PPARD: variants seen among roughly 807,000 people sequenced by gnomAD.
PPARD encodes peroxisome proliferator activated receptor delta.
PPARD carries 6 observed loss-of-function variants against 39.5 expected under a neutral mutation model. The observed-to-expected ratio is 0.15, with a 90% CI of 0.08 to 0.30. The LOEUF is 0.30. PPARD is among the 10% of genes least tolerant of loss of function. The pLI, the probability that PPARD is intolerant of heterozygous loss-of-function variation, is 1.00. For synonymous variants in PPARD, 210 were observed against 231.3 expected, an observed-to-expected ratio of 0.91 and a Z score of 0.83; for missense variants, 397 against 596.8, an observed-to-expected ratio of 0.67 and a Z score of 3.49.
Position 35,426,119 on chromosome 6 carries a change from A to G in PPARD, c.*40A>G. The G allele has an allele frequency of 6.3e-7, 1 of 1,593,680 alleles. No homozygotes were observed. The highest frequency in any genetic ancestry group is 8.5e-7 in the Non-Finnish European group (1 of 1,173,540). On this transcript the variant is annotated 3_prime_UTR_variant, in exon 8 of 8. Coordinates refer to ENST00000360694, the MANE Select transcript of PPARD (RefSeq NM_006238.5). ...CCTCCCTGCAGACTCCAATGGGGCCAGCACTGGAGGGGCCCACCCACATGA... is the reference window on the plus strand; with the variant it reads ...CCTCCCTGCAGACTCCAATGGGGCCGGCACTGGAGGGGCCCACCCACATGA...
chr6:35,423,612 C>G (rs1323623332), intron 5 of PPARD, among the ~76,000 whole-genome samples: 1 of 152,110 alleles, frequency 6.6e-6, no homozygotes, highest in African/African-American at 2.4e-5. Context: ...TGAGCTGGAA[C>G]TCAAGCCCAG....
intron 2 of PPARD, among the ~76,000 whole-genome samples, chr6:35,354,084 T>C (rs1761417508): frequency 6.6e-6 from 1 of 151,512 alleles, no homozygotes; most frequent in African/African-American, 2.4e-5. Context: ...TACAAAAAAT[T>C]AGCTGGGCGT....
rs1764716610 is a variant in PPARD at position 35,401,926 on chromosome 6, T to C, written c.-101-9061T>C. Among the ~76,000 whole-genome samples, 1 of 152,072 alleles carries C rather than the reference T, an allele frequency of 6.6e-6. No homozygotes were observed. The highest frequency in any genetic ancestry group is 2.4e-5 in the African/African-American group (1 of 41,402). ...GCTCTGGCTCGGTCTCTGGTGAGTC[T>C]CTCTGCTGGCCGGCAGAACCACCCT... On this transcript the variant is annotated intron_variant, in intron 2 of 7. Coordinates refer to ENST00000360694, the MANE Select transcript of PPARD (RefSeq NM_006238.5). The surrounding 1 kb of genome is among the most constrained non-coding windows in gnomAD (Gnocchi z 4.1).
intron 2 of PPARD, among the ~76,000 whole-genome samples, chr6:35,352,679 T>C (rs1761336814): frequency 6.6e-6 from 1 of 152,168 alleles, no homozygotes; most frequent in African/African-American, 2.4e-5. Context: ...GCAGGTGTCA[T>C]CTGAAGGCTC....
At chr6:35,397,773 G>A (rs1019943696) in intron 2 of PPARD, among the ~76,000 whole-genome samples, 9 of 152,106 alleles carry the variant, frequency 5.9e-5, no homozygotes, top group Admixed American at 1.3e-4. Context: ...GCCATAAGAC[G>A]GATGGAGAAA....
intron 2 of PPARD, among the ~76,000 whole-genome samples, chr6:35,376,999 G>A (rs1002219157): frequency 7.3e-4 from 108 of 147,252 alleles, no homozygotes; most frequent in African/African-American, 1.8e-3. Flanking sequence ...CAGCCCGGGC[G>A]ACAGAGTGAG....
At chr6:35,423,437 G>C (rs1766334187) in intron 5 of PPARD, among the ~76,000 whole-genome samples, 1 of 151,742 alleles carries the variant, frequency 6.6e-6, no homozygotes, top group African/African-American at 2.4e-5. Flanking sequence ...GGGAGGCTGA[G>C]ACAGAGAATT....
intron 2 of PPARD, among the ~76,000 whole-genome samples, chr6:35,384,924 C>T (rs1390767326): frequency 3.0e-5 from 4 of 132,664 alleles, no homozygotes; most frequent in East Asian, 2.2e-4. Flanking sequence ...AGTGAGGAGC[C>T]CCTCTGCCAG....
intron 5 of PPARD, among the ~76,000 whole-genome samples, chr6:35,422,188 G>A (rs564460627): frequency 6.6e-6 from 1 of 152,266 alleles, no homozygotes; most frequent in South Asian, 2.1e-4. Context: ...CCCAGGCGTG[G>A]GGTAGTGTTT....
At chr6:35,346,154 C>T (rs1263124528) in intron 1 of PPARD, among the ~76,000 whole-genome samples, 12 of 152,150 alleles carry the variant, frequency 7.9e-5, no homozygotes, top group Admixed American at 7.9e-4. Flanking sequence ...GCTGGGATTA[C>T]AGGCGTGAGC....
intron 2 of PPARD, among the ~76,000 whole-genome samples, chr6:35,371,223 G>A (rs12173347): frequency 0.043 from 6,489 of 152,106 alleles, 372 homozygotes; most frequent in East Asian, 0.3. Context: ...ACTGGACCCT[G>A]CCCCCTAGGA....
In PPARD at chr6:35,343,751, G is replaced by C. The variant is rs114364481; in HGVS notation, c.-186+1070G>C. On this transcript the variant is annotated intron_variant, in intron 1 of 7. Coordinates refer to ENST00000360694, the MANE Select transcript of PPARD (RefSeq NM_006238.5). ...GGCGCTGAGCTGGATGTGTGCCACG[G>C]GTAGCCGGAGGCTTTGTCCAATTCT... 8.8e-3 allele frequency among the ~76,000 whole-genome samples: 1,336 copies of C among 152,274 alleles called. 26 individuals are homozygous for C. Among genetic ancestry groups the C allele is most frequent in the African/African-American group, 0.031 (1,276 of 41,528 alleles).
intron 2 of PPARD, among the ~76,000 whole-genome samples, chr6:35,394,345 C>G (rs1764188241): frequency 6.6e-6 from 1 of 152,244 alleles, no homozygotes; most frequent in Non-Finnish European, 1.5e-5. Context: ...TGACATGGAT[C>G]TTGAGGTAGT....
In PPARD at chr6:35,417,385, C is replaced by T. The variant is rs534113608; in HGVS notation, c.131-2742C>T. 2.0e-4 allele frequency among the ~76,000 whole-genome samples: 30 copies of T among 151,972 alleles called. No individual in the cohort carries two copies. In the South Asian group the frequency reaches 5.8e-3, roughly 29 times the overall value. On this transcript the variant is annotated intron_variant, in intron 3 of 7. Coordinates refer to ENST00000360694, the MANE Select transcript of PPARD (RefSeq NM_006238.5). ...GGCACAATCACAGCTCTCCTAGGCT[C>T]AAGGATTTTCCTGCCTCAGCCTCCT... is the stretch of plus-strand genomic sequence containing the variant.
chr6:35,344,492 C>T (rs894442472), intron 1 of PPARD, among the ~76,000 whole-genome samples: 2 of 151,974 alleles, frequency 1.3e-5, no homozygotes, highest in Non-Finnish European at 2.9e-5. Context: ...AGATTCTCGT[C>T]ATATCCTTCA....
chr6:35,354,304 CTTTTT>C (rs942964699), intron 2 of PPARD, among the ~76,000 whole-genome samples: 7 of 125,810 alleles, frequency 5.6e-5, no homozygotes, highest in African/African-American at 2.0e-4. Context: ...TACAACCATT[CTTTTT>C]TTTTTTTTTT....
chr6:35,385,936 A>G (rs541945475), intron 2 of PPARD, among the ~76,000 whole-genome samples: 1 of 152,228 alleles, frequency 6.6e-6, no homozygotes, highest in East Asian at 1.9e-4. Flanking sequence ...AAGGAGGATC[A>G]TCATTTCAAG....
intron 2 of PPARD, among the ~76,000 whole-genome samples, chr6:35,397,208 C>T (rs1764385408): frequency 7.0e-6 from 1 of 143,316 alleles, no homozygotes; most frequent in Non-Finnish European, 1.5e-5. Flanking sequence ...TGACCTAGGA[C>T]TCTGAGTCAG....
At chr6:35,369,191 C>T (rs187946256) in intron 2 of PPARD, among the ~76,000 whole-genome samples, 1 of 152,312 alleles carries the variant, frequency 6.6e-6, no homozygotes, top group East Asian at 1.9e-4. Context: ...AGAATTTCCA[C>T]GGTTAATGTT....
Sources: gnomAD v4.1 joint callset for allele counts (sites outside exome capture counted in the v4.1 genomes callset) on GRCh38, gnomAD v4.1.1 for gene constraint, Gnocchi (gnomAD v3.1) non-coding constraint, MANE v1.5 for transcripts, NCBI Gene and HGNC (gene_info 2026-07-23, HGNC 2026-07-21) for gene names.